The following COL21A1 variants were observed in gnomAD, a reference collection of about 807,000 sequenced individuals.
The protein encoded by COL21A1 is collagen type XXI alpha 1 chain, also known as collagen alpha-1(XXI) chain.
In COL21A1, 149 loss-of-function variants were observed where a neutral mutation model predicts 137.9. That is an observed-to-expected ratio of 1.08 (90% confidence interval 0.95 to 1.24). The LOEUF (loss-of-function observed/expected upper bound fraction) is 1.24, where lower values mean the gene tolerates loss of function less well. Among genes scored for constraint, COL21A1 ranks in the 50% most tolerant of loss-of-function variants. The pLI, the probability that COL21A1 is intolerant of heterozygous loss-of-function variation, is 0.00. For synonymous variants in COL21A1, 456 were observed against 391.5 expected (o/e 1.16, Z -1.95); for missense variants, 1,167 against 1,158.4 (o/e 1.01, Z -0.11).
chr6:56,167,683 A>G (rs531291536), intron 6 of COL21A1, among the ~76,000 whole-genome samples: 21 of 152,334 alleles, frequency 1.4e-4, no homozygotes, highest in African/African-American at 4.8e-4. Context: ...ATTTGAACAT[A>G]CCACAATTGC....
At chr6:56,242,410 A>G (rs1345989296) in intron 1 of COL21A1, among the ~76,000 whole-genome samples, 1 of 152,218 alleles carries the variant, frequency 6.6e-6, no homozygotes, top group Non-Finnish European at 1.5e-5. Flanking sequence ...TGAATTAAAA[A>G]AATCTCTTTT....
At chr6:56,191,508 C>T (rs1282609825) in intron 1 of COL21A1, among the ~76,000 whole-genome samples, 6 of 149,256 alleles carry the variant, frequency 4.0e-5, no homozygotes, top group Non-Finnish European at 8.9e-5. Context: ...AGGAGAAATG[C>T]TTGAACCAGG....
intron 1 of COL21A1, among the ~76,000 whole-genome samples, chr6:56,234,509 T>C (rs1002642212): frequency 6.6e-6 from 1 of 151,886 alleles, no homozygotes. Context: ...TTCTATTATC[T>C]CTAAAGACAC....
At chr6:56,177,374 G>A (rs1186300345) in intron 3 of COL21A1, among the ~76,000 whole-genome samples, 1 of 152,088 alleles carries the variant, frequency 6.6e-6, no homozygotes, top group East Asian at 1.9e-4. Context: ...TAGAAGTTAA[G>A]TATGTGTCAA....
At chr6:56,250,615 T>A (rs1042999012), upstream of COL21A1, among the ~76,000 whole-genome samples, 2 of 152,174 alleles carry the variant, frequency 1.3e-5, no homozygotes, top group Non-Finnish European at 2.9e-5. Context: ...ACACTTTGAT[T>A]TCAGCCCACT....
chr6:56,167,948 G>T (rs1022551787), intron 6 of COL21A1, among the ~76,000 whole-genome samples, 176 bp downstream of exon 6: 39 of 152,078 alleles, frequency 2.6e-4, no homozygotes, highest in African/African-American at 8.9e-4. Context: ...GTCCAATTCT[G>T]CATTTTAATA....
At chr6:56,103,677 T>C (rs1770640002) in intron 16 of COL21A1, among the ~76,000 whole-genome samples, 1 of 152,196 alleles carries the variant, frequency 6.6e-6, no homozygotes, top group Non-Finnish European at 1.5e-5. Flanking sequence ...TATTTGAGGA[T>C]TTAACTTATT....
At chr6:56,117,385 G>A (rs1023039968) in intron 16 of COL21A1, among the ~76,000 whole-genome samples, 2 of 151,856 alleles carry the variant, frequency 1.3e-5, no homozygotes, top group Non-Finnish European at 1.5e-5. Flanking sequence ...ATTCAGCAGA[G>A]GATATAACAA....
intron 1 of COL21A1, among the ~76,000 whole-genome samples, chr6:56,315,518 C>A (rs1764710511): frequency 6.6e-6 from 1 of 152,062 alleles, no homozygotes; most frequent in Non-Finnish European, 1.5e-5. Context: ...AACAGAAAGG[C>A]CCATCTTTAG....
rs777861336 is a variant in COL21A1 at position 56,168,277 on chromosome 6, C to A, written c.1047G>T (p.Trp349Cys). 2 of 1,543,206 alleles carry A rather than the reference C, an allele frequency of 1.3e-6. No individual in the cohort carries two copies. Among genetic ancestry groups the A allele is most frequent in the Admixed American group, 1.8e-5 (1 of 54,254 alleles). ...PQVKTLFDEG[W>C]HQIRLLVTEQ... ...CTGTTACTAAGAGACGAATTTGGTG[C>A]CAGCCTTCATCAAACAACGTCTACA... The change falls in exon 6 of 30, where the codon TGG (tryptophan) becomes TGT (cysteine). Residue 349 changes from tryptophan (W) to cysteine (C), a missense_variant. Trp to Cys is a radical substitution (Grantham distance 215, BLOSUM62 -2). Coordinates refer to ENST00000244728, the MANE Select transcript of COL21A1 (RefSeq NM_030820.4).
At chr6:56,326,266 A>C in intron 1 of COL21A1, among the ~76,000 whole-genome samples, 1 of 151,186 alleles carries the variant, frequency 6.6e-6, no homozygotes, top group East Asian at 1.9e-4. Context: ...ACATACTGAA[A>C]GTAATCAATG....
chr6:56,089,754 A>G (rs1768615026), intron 17 of COL21A1, among the ~76,000 whole-genome samples: 1 of 152,214 alleles, frequency 6.6e-6, no homozygotes, highest in African/African-American at 2.4e-5. Context: ...ATGAGATTCT[A>G]TTTACTTAGA....
At chr6:56,060,620 G>T (rs1765705960) in intron 27 of COL21A1, 121 bp downstream of exon 27, 2 of 652,368 alleles carry the variant, frequency 3.1e-6, no homozygotes, top group Non-Finnish European at 4.9e-6. Flanking sequence ...AGTAGATGAG[G>T]CTTATAAATG....
intron 10 of COL21A1, among the ~76,000 whole-genome samples, chr6:56,149,760 T>C (rs867680683): frequency 6.6e-6 from 1 of 152,238 alleles, no homozygotes; most frequent in Middle Eastern, 3.4e-3. Flanking sequence ...ATGCAAGCAG[T>C]TCTCTTTACC....
intron 1 of COL21A1, among the ~76,000 whole-genome samples, chr6:56,218,918 T>C (rs766462787): frequency 3.9e-4 from 60 of 152,176 alleles, no homozygotes; most frequent in Middle Eastern, 3.4e-3. Flanking sequence ...CTCTTATAAC[T>C]ACATGAGAAG....
At position 56,060,920 on chromosome 6, in the gene COL21A1, G is replaced by A. The variant is rs1461600298; in HGVS notation, c.2323C>T (p.Gln775Ter). ...PKGQPGDPGPQGPPGLDGKPG... is the reference protein window; with the variant it reads ...PKGQPGDPGP ...TTCCCATCCAAACCTGGGGGTCCCT[G>A]AGGACCTGGATCCCCAGGTTGCCCC... Residue 775 changes from glutamine (Q) to a stop codon, truncating the protein, a stop_gained, in exon 26 of 30, where the codon CAG (glutamine) becomes TAG (stop). Coordinates refer to ENST00000244728, the MANE Select transcript of COL21A1 (RefSeq NM_030820.4). LOFTEE classifies it high-confidence loss of function. The A allele has an allele frequency of 2.5e-6, 4 of 1,578,462 alleles. No homozygotes were observed. In the African/African-American group the frequency reaches 4.1e-5, roughly 16 times the overall value.
intron 1 of COL21A1, among the ~76,000 whole-genome samples, chr6:56,370,652 A>T (rs1766218878): frequency 6.6e-6 from 1 of 152,228 alleles, no homozygotes. Context: ...CATAAAATCT[A>T]GTTAAGAGTT....
chr6:56,248,779 T>G (rs1174501333), upstream of COL21A1, among the ~76,000 whole-genome samples: 1 of 152,246 alleles, frequency 6.6e-6, no homozygotes, highest in Admixed American at 6.5e-5. Flanking sequence ...AATTTCCTTA[T>G]TCATTCATGT....
intron 1 of COL21A1, among the ~76,000 whole-genome samples, chr6:56,376,464 A>G (rs1441803907): frequency 6.6e-6 from 1 of 151,470 alleles, no homozygotes; most frequent in Non-Finnish European, 1.5e-5. Context: ...TTTTTTAATG[A>G]AATGTGAGAA....
Sources: gnomAD v4.1 joint callset for allele counts (sites outside exome capture counted in the v4.1 genomes callset) on GRCh38, gnomAD v4.1.1 for gene constraint, MANE v1.5 for transcripts, NCBI Gene and HGNC (gene_info 2026-07-23, HGNC 2026-07-21) for gene names.